The following KSR2 variants were observed in gnomAD, a reference collection of about 807,000 sequenced individuals.
KSR2 encodes the protein kinase suppressor of ras 2.
In KSR2, 25 loss-of-function variants were observed where a neutral mutation model predicts 107.8. The ratio of observed to expected loss-of-function variants is 0.23; its 90% CI spans 0.17 to 0.32. The LOEUF (loss-of-function observed/expected upper bound fraction) is 0.32. KSR2 is among the 10% of genes least tolerant of loss of function. KSR2 has a pLI of 1.00. For missense variants in KSR2, 887 were observed against 1,268.9 expected (o/e 0.70, Z 4.57); for synonymous variants, 480 against 507.0 (o/e 0.95, Z 0.71).
rs368965831 is a variant in KSR2 at position 117,864,738 on chromosome 12, A to G, written c.181-4307T>C. ...GTGGCAGCCAAACTTCAATCTTCAC[A>G]TAGCATTCTCCCTGTATGTGTGACT... is the stretch of plus-strand genomic sequence containing the variant. On this transcript the variant is annotated intron_variant, in intron 1 of 19. Coordinates refer to ENST00000339824, the MANE Select transcript of KSR2 (RefSeq NM_173598.6). 3.7e-4 allele frequency among the ~76,000 whole-genome samples: 56 copies of G among 152,318 alleles called. 1 individual carries two copies. In the South Asian group the frequency reaches 0.011, roughly 29 times the overall value.
intron 3 of KSR2, among the ~76,000 whole-genome samples, chr12:117,771,698 C>T (rs891524410): frequency 2.6e-5 from 4 of 152,090 alleles, no homozygotes; most frequent in Non-Finnish European, 5.9e-5. Flanking sequence ...GTAATGTTAT[C>T]AACAAGTAAT....
At chr12:117,944,496 T>C (rs892945103) in intron 1 of KSR2, among the ~76,000 whole-genome samples, 1 of 152,066 alleles carries the variant, frequency 6.6e-6, no homozygotes. Context: ...AATCATTCGA[T>C]TGTACAGTTT....
Position 117,466,758 on chromosome 12 carries a change from C to T in KSR2, c.*441G>A, listed in dbSNP as rs945440446. Reference sequence around the variant, plus strand: ...ATACAGACAGAACTGAGGAGTGCCCCGTCATTGGGACAGTCTGGCTCTTGC... The same window carrying T: ...ATACAGACAGAACTGAGGAGTGCCCTGTCATTGGGACAGTCTGGCTCTTGC... On this transcript the variant is annotated 3_prime_UTR_variant, in exon 20 of 20. Transcript: ENST00000339824. The T allele has an allele frequency of 1.9e-5, 3 of 161,272 alleles. No individual in the cohort carries two copies. The highest frequency in any genetic ancestry group is 1.8e-4 in the East Asian group (1 of 5,676). 10.0% of individuals were successfully genotyped at this position (161,272 alleles called of 1,614,324 possible). A position where few individuals can be genotyped will look rare whatever the true frequency, so the allele number is the denominator to read the frequency against.
intron 3 of KSR2, among the ~76,000 whole-genome samples, chr12:117,826,638 G>A (rs1891762205): frequency 6.6e-6 from 1 of 152,068 alleles, no homozygotes; most frequent in African/African-American, 2.4e-5. Context: ...CCTCTGTGAA[G>A]CACTGCCTGA....
At chr12:117,538,325 A>G (rs182255106) in intron 10 of KSR2, among the ~76,000 whole-genome samples, 1 of 152,328 alleles carries the variant, frequency 6.6e-6, no homozygotes, top group Admixed American at 6.5e-5. Context: ...ACTTAACAAA[A>G]AACCCAAAGT....
At chr12:117,857,554 G>A (rs1016368795) in intron 2 of KSR2, among the ~76,000 whole-genome samples, 1 of 152,134 alleles carries the variant, frequency 6.6e-6, no homozygotes, top group Non-Finnish European at 1.5e-5. Context: ...CAAAAATGGA[G>A]AAACCCTTAA....
chr12:117,554,255 A>G (rs1026885050), intron 9 of KSR2, among the ~76,000 whole-genome samples: 2 of 152,148 alleles, frequency 1.3e-5, no homozygotes, highest in African/African-American at 4.8e-5. Flanking sequence ...TCTAGGCCAC[A>G]ATTGAAAGAA....
intron 4 of KSR2, among the ~76,000 whole-genome samples, chr12:117,705,302 C>A (rs1886479668): frequency 6.6e-6 from 1 of 152,310 alleles, no homozygotes; most frequent in African/African-American, 2.4e-5. Flanking sequence ...CATCTCTCAA[C>A]CTGCACTGCA....
intron 6 of KSR2, 113 bp from the exon 7 acceptor site, chr12:117,579,315 T>G: frequency 2.6e-6 from 2 of 764,792 alleles, no homozygotes; most frequent in Non-Finnish European, 4.6e-6. Flanking sequence ...CCAGTCCTGT[T>G]TCTTTCGAGC....
intron 4 of KSR2, among the ~76,000 whole-genome samples, chr12:117,668,378 G>A (rs1489794561): frequency 6.6e-6 from 1 of 152,178 alleles, no homozygotes; most frequent in East Asian, 1.9e-4. Context: ...AGGAGTTCAG[G>A]AGGGAGGGTG....
intron 4 of KSR2, among the ~76,000 whole-genome samples, chr12:117,729,393 T>A (rs567742167): frequency 6.6e-6 from 1 of 152,010 alleles, no homozygotes; most frequent in Admixed American, 6.6e-5. Flanking sequence ...ATGTTCAGAG[T>A]CTAAATTACA....
chr12:117,613,934 C>T (rs1046717213), intron 5 of KSR2, among the ~76,000 whole-genome samples: 1 of 152,174 alleles, frequency 6.6e-6, no homozygotes, highest in African/African-American at 2.4e-5. Flanking sequence ...TTGCCTCAGG[C>T]TCTGTATTCT....
At chr12:117,754,490 T>G (rs901094164) in intron 4 of KSR2, among the ~76,000 whole-genome samples, 1 of 151,700 alleles carries the variant, frequency 6.6e-6, no homozygotes. Context: ...ATACAAAAAT[T>G]AGCCAGGCGG....
intron 6 of KSR2, among the ~76,000 whole-genome samples, chr12:117,581,699 C>G (rs190537413): frequency 6.6e-6 from 1 of 152,266 alleles, no homozygotes; most frequent in East Asian, 1.9e-4. Flanking sequence ...TGCAAACCCC[C>G]CTCCCTAAAA....
chr12:117,648,169 T>A (rs1883735865), intron 5 of KSR2, among the ~76,000 whole-genome samples: 1 of 152,354 alleles, frequency 6.6e-6, no homozygotes, highest in African/African-American at 2.4e-5. Flanking sequence ...GCCAATATTT[T>A]AAAAATTTTG....
At chr12:117,593,700 T>C (rs191671472) in intron 5 of KSR2, among the ~76,000 whole-genome samples, 34 of 152,352 alleles carry the variant, frequency 2.2e-4, no homozygotes, top group Admixed American at 2.0e-4. Context: ...TACCTGAGGA[T>C]CAGACACTGG....
At chr12:117,731,263 T>A (rs528947261) in intron 4 of KSR2, among the ~76,000 whole-genome samples, 31 of 139,894 alleles carry the variant, frequency 2.2e-4, no homozygotes, top group Admixed American at 3.5e-4. Flanking sequence ...GAGGAGCCCC[T>A]CCTCCCAGCA....
chr12:117,897,237 T>C lies in KSR2; in HGVS notation c.181-36806A>G, dbSNP rs1894542357. Among the ~76,000 whole-genome samples, 1 of 152,194 alleles carries C rather than the reference T, an allele frequency of 6.6e-6. No homozygotes were observed. Among genetic ancestry groups the C allele is most frequent in the African/African-American group, 2.4e-5 (1 of 41,444 alleles). The stretch of plus-strand genomic sequence containing the variant: ...CATATTATGCACATCAGAAATGATC[T>C]GGAGGGGGCAAACATGCCAGGGCAG... On this transcript the variant is annotated intron_variant, in intron 1 of 19. Coordinates refer to ENST00000339824, the MANE Select transcript of KSR2 (RefSeq NM_173598.6). This position sits in a 1 kb window ranked among gnomAD's most constrained non-coding sequence, Gnocchi z 4.5.
chr12:117,704,577 G>A (rs968888427), intron 4 of KSR2, among the ~76,000 whole-genome samples: 3 of 151,940 alleles, frequency 2.0e-5, no homozygotes, highest in African/African-American at 7.3e-5. Context: ...CATAATGAAG[G>A]GCCAGGTGCG....
Sources: gnomAD v4.1 joint callset for allele counts (sites outside exome capture counted in the v4.1 genomes callset) on GRCh38, gnomAD v4.1.1 for gene constraint, Gnocchi (gnomAD v3.1) non-coding constraint, MANE v1.5 for transcripts, NCBI Gene and HGNC (gene_info 2026-07-23, HGNC 2026-07-21) for gene names.